Variants in CAMK1D observed in about 807,000 individuals in gnomAD.
CAMK1D encodes calcium/calmodulin dependent protein kinase ID, also known as calcium/calmodulin-dependent protein kinase type 1D.
CAMK1D carries 9 observed loss-of-function variants against 47.7 expected under a neutral mutation model. The ratio of observed to expected loss-of-function variants is 0.19; its 90% CI spans 0.11 to 0.33. The LOEUF is 0.33. CAMK1D is among the 10% of genes least tolerant of loss of function. CAMK1D has a pLI of 1.00. For missense variants in CAMK1D, 291 were observed against 488.7 expected, an observed-to-expected ratio of 0.60 and a Z score of 3.81; for synonymous variants, 184 against 184.9, an observed-to-expected ratio of 0.99 and a Z score of 0.04.
At chr10:12,467,659 T>A (rs1395089433) in intron 1 of CAMK1D, among the ~76,000 whole-genome samples, 7 of 152,260 alleles carry the variant, frequency 4.6e-5, no homozygotes, top group Non-Finnish European at 1.0e-4. Flanking sequence ...ACACTCATTT[T>A]ATGAGAGCGT....
chr10:12,642,999 G>A (rs1015971511), intron 2 of CAMK1D, among the ~76,000 whole-genome samples: 9 of 152,032 alleles, frequency 5.9e-5, no homozygotes, highest in Non-Finnish European at 1.3e-4. Context: ...ATTTTGGTTT[G>A]TTGTTGTTGT....
chr10:12,769,648 T>G, intron 4 of CAMK1D, 25 bp from the exon 5 acceptor site: 3 of 1,613,078 alleles, frequency 1.9e-6, no homozygotes, highest in South Asian at 2.2e-5. Context: ...TAGTTTGTAA[T>G]GTTTTTTTCT....
At chr10:12,541,882 C>CCTTCCTTCCTTCCTTCCTTCCTT (rs1564401128) in intron 1 of CAMK1D, among the ~76,000 whole-genome samples, 5 of 138,298 alleles carry the variant, frequency 3.6e-5, no homozygotes, top group African/African-American at 1.4e-4. Context: ...TTCCTTCCTT[C>CCTTCCTTCCTTCCTTCCTTCCTT]CTTCCTTTTT....
intron 6 of CAMK1D, among the ~76,000 whole-genome samples, chr10:12,811,023 T>C (rs923740841): frequency 2.6e-5 from 4 of 152,226 alleles, no homozygotes; most frequent in African/African-American, 9.6e-5. Context: ...GTAAGAGTTC[T>C]TCCTAGAAGA....
At chr10:12,791,729 G>T (rs1165580449) in intron 6 of CAMK1D, among the ~76,000 whole-genome samples, 1 of 152,196 alleles carries the variant, frequency 6.6e-6, no homozygotes. Flanking sequence ...TTGGTCCGTC[G>T]ATAGACATTT....
At chr10:12,553,757 A>G (rs575842283) in intron 2 of CAMK1D, among the ~76,000 whole-genome samples, 15 of 152,342 alleles carry the variant, frequency 9.8e-5, no homozygotes, top group African/African-American at 3.4e-4. Flanking sequence ...TGAAGTGCTC[A>G]CTGCAGCACT....
At chr10:12,495,540 C>T (rs568481568) in intron 1 of CAMK1D, among the ~76,000 whole-genome samples, 2 of 152,266 alleles carry the variant, frequency 1.3e-5, no homozygotes, top group East Asian at 1.9e-4. Flanking sequence ...ATAAATGGCA[C>T]AAAACATTTA....
At chr10:12,695,497 C>T (rs1444046128) in intron 3 of CAMK1D, among the ~76,000 whole-genome samples, 2 of 152,168 alleles carry the variant, frequency 1.3e-5, no homozygotes, top group African/African-American at 2.4e-5. Flanking sequence ...CTGTAGCCAC[C>T]GCATTAGAAC....
intron 1 of CAMK1D, among the ~76,000 whole-genome samples, chr10:12,392,301 C>CA (rs1476348233): frequency 6.6e-6 from 1 of 151,878 alleles, no homozygotes; most frequent in African/African-American, 2.4e-5. Flanking sequence ...GACTCTGTCT[C>CA]AAAAAAACAA....
At chr10:12,553,388 C>G (rs1836651959) in intron 2 of CAMK1D, 32 bp downstream of exon 2, 2 of 1,545,486 alleles carry the variant, frequency 1.3e-6, no homozygotes, top group Non-Finnish European at 1.8e-6. Context: ...TCCTCCCTTC[C>G]CTACCTCCTG....
At chr10:12,466,239 C>T (rs2768398) in intron 1 of CAMK1D, among the ~76,000 whole-genome samples, 2,671 of 152,040 alleles carry the variant, frequency 0.018, 75 homozygotes, top group African/African-American at 0.061. Context: ...AACCCCATCT[C>T]TACTAAAAAT....
At chr10:12,570,538 G>A (rs1837291456) in intron 2 of CAMK1D, among the ~76,000 whole-genome samples, 1 of 151,854 alleles carries the variant, frequency 6.6e-6, no homozygotes, top group African/African-American at 2.4e-5. Flanking sequence ...AAATTAGCTG[G>A]GCGTGGTGGT....
Position 12,456,768 on chromosome 10 carries a change from A to AAAAG in CAMK1D, c.93-96454_93-96453insGAAA, listed in dbSNP as rs1305936677. On this transcript the variant is annotated intron_variant, in intron 1 of 10. Transcript: ENST00000619168. ...GGTGACAGAGTGAGACTCTGTCTCA[A>AAAAG]AAAAAAAAAAAAAAAAAAAAATCTC... 101 of 145,296 alleles carry AAAAG rather than the reference A, an allele frequency of 7.0e-4. 4 individuals carry two copies. The East Asian group carries it at 0.019, about 28-fold the overall frequency. The allele number at this position is 145,296 out of a possible 1,614,324, so 9.0% of individuals were successfully genotyped here.
intron 1 of CAMK1D, among the ~76,000 whole-genome samples, chr10:12,510,685 T>C (rs1426081649): frequency 6.6e-6 from 1 of 152,156 alleles, no homozygotes; most frequent in Non-Finnish European, 1.5e-5. Flanking sequence ...GAGTCACCAA[T>C]GACAGGAGAT....
intron 3 of CAMK1D, among the ~76,000 whole-genome samples, chr10:12,723,975 G>T (rs1030357567): frequency 1.3e-5 from 2 of 151,770 alleles, no homozygotes; most frequent in Non-Finnish European, 2.9e-5. Context: ...TGTTCTCATT[G>T]TTCAATTCCC....
At chr10:12,760,220 C>A (rs191398899) in intron 3 of CAMK1D, among the ~76,000 whole-genome samples, 2 of 152,240 alleles carry the variant, frequency 1.3e-5, no homozygotes, top group South Asian at 2.1e-4. Flanking sequence ...CCAACCTAGT[C>A]CCATTTTGAA....
chr10:12,648,134 C>T (rs909224544), intron 2 of CAMK1D, among the ~76,000 whole-genome samples: 2 of 152,162 alleles, frequency 1.3e-5, no homozygotes, highest in Non-Finnish European at 2.9e-5. Context: ...TATAAAAAAG[C>T]TATTTTTTAT....
chr10:12,547,682 T>TCTCACACA lies in CAMK1D; in HGVS notation c.93-5542_93-5541insTCACACAC, dbSNP rs10643491. Among the ~76,000 whole-genome samples the TCTCACACA allele has an allele frequency of 1.0e-3, 116 of 116,576 alleles. 2 individuals carry two copies. In the South Asian group the frequency reaches 0.026, roughly 26 times the overall value. The allele number at this position is 116,576 out of a possible 152,430, so 76.5% of individuals were successfully genotyped here. On this transcript the variant is annotated intron_variant, in intron 1 of 10. Coordinates refer to ENST00000619168, the MANE Select transcript of CAMK1D (RefSeq NM_153498.4). ...CACTCTCTCTCTCTCTTTCTCTCTC[T>TCTCACACA]CACACACACACACACACACCACTGT...
At chr10:12,601,864 A>C in intron 2 of CAMK1D, among the ~76,000 whole-genome samples, 1 of 152,232 alleles carries the variant, frequency 6.6e-6, no homozygotes, top group East Asian at 1.9e-4. Flanking sequence ...AGCTCGTTTC[A>C]GCTCAGCTGG....
Sources: gnomAD v4.1 joint callset for allele counts (sites outside exome capture counted in the v4.1 genomes callset) on GRCh38, gnomAD v4.1.1 for gene constraint, MANE v1.5 for transcripts, NCBI Gene and HGNC (gene_info 2026-07-23, HGNC 2026-07-21) for gene names.